Variants in SGCZ observed in about 807,000 individuals in gnomAD.
SGCZ encodes zeta-sarcoglycan.
A neutral mutation model predicts 41.3 loss-of-function variants in SGCZ; 40 were observed. That is an observed-to-expected ratio of 0.97 (90% CI 0.75 to 1.26). The LOEUF is 1.26. Ranked by LOEUF, SGCZ falls within the 50% of genes most tolerant of loss-of-function variation. The pLI is 0.00. For missense variants in SGCZ, 552 were observed against 369.8 expected (o/e 1.49, Z -4.04); for synonymous variants, 206 against 137.5 (o/e 1.50, Z -3.49).
rs1801661249 is a variant in SGCZ at position 14,090,616 on chromosome 8, T to C, written c.766A>G (p.Ile256Val). The change falls in exon 8 of 8, where the codon ATC becomes GTC. Residue 256 changes from isoleucine to valine, a missense_variant. Ile to Val is a conservative substitution (Grantham distance 29). Transcript: ENST00000382080. Reference sequence around the variant, plus strand: ...CCAGTTGGTAGATTTCCCAGCTTGATTGTCTCTGCATTTAAAAATATCTAT... The same window carrying C: ...CCAGTTGGTAGATTTCCCAGCTTGACTGTCTCTGCATTTAAAAATATCTAT... ...EGEIFLNAET[I>V]KLGNLPTGSF... 1 of 1,611,558 alleles carries C rather than the reference T, an allele frequency of 6.2e-7. No homozygotes were observed. The highest frequency in any genetic ancestry group is 8.5e-7 in the Non-Finnish European group (1 of 1,179,110).
chr8:14,248,461 T>G (rs1799180888), intron 3 of SGCZ, among the ~76,000 whole-genome samples: 1 of 152,160 alleles, frequency 6.6e-6, no homozygotes, highest in Non-Finnish European at 1.5e-5. Context: ...TGATGAAAAC[T>G]AGAAAGTAAG....
chr8:14,965,166 G>C (rs1338756695), intron 1 of SGCZ, among the ~76,000 whole-genome samples: 1 of 152,094 alleles, frequency 6.6e-6, no homozygotes, highest in African/African-American at 2.4e-5. Flanking sequence ...TGCGGCCATA[G>C]TTCGCAGAAC....
intron 1 of SGCZ, among the ~76,000 whole-genome samples, chr8:14,630,809 G>T (rs924220801): frequency 6.7e-6 from 1 of 148,314 alleles, no homozygotes; most frequent in Non-Finnish European, 1.5e-5. Flanking sequence ...CTCATAGGTG[G>T]GAATTGAACA....
At chr8:14,274,853 T>C (rs1365110339) in intron 3 of SGCZ, among the ~76,000 whole-genome samples, 4 of 152,068 alleles carry the variant, frequency 2.6e-5, no homozygotes, top group Admixed American at 1.3e-4. Context: ...GTGATAATTA[T>C]GATTATAATA....
intron 1 of SGCZ, among the ~76,000 whole-genome samples, chr8:14,939,565 G>A (rs1179672239): frequency 6.6e-6 from 1 of 152,144 alleles, no homozygotes. Context: ...ACTTAGCACA[G>A]TCGCTTCATC....
intron 1 of SGCZ, among the ~76,000 whole-genome samples, chr8:14,722,422 A>T (rs1429821866): frequency 6.6e-6 from 1 of 152,102 alleles, no homozygotes; most frequent in East Asian, 1.9e-4. Flanking sequence ...TAAAATTTTA[A>T]AAATGTGGAT....
rs185193612 is a variant in SGCZ at position 14,727,249 on chromosome 8, T to A, written c.40-172323A>T. Among the ~76,000 whole-genome samples the A allele has an allele frequency of 1.3e-4, 20 of 152,204 alleles. No homozygotes were observed. The East Asian group carries it at 3.9e-3, about 29-fold the overall frequency. On this transcript the variant is annotated intron_variant, in intron 1 of 7. Transcript: ENST00000382080. Reference sequence around the variant, plus strand: ...TGCTCAACATCTTTACTCAACAGGATTATAAAAATGAAAGCCACAGTAAGA... The same window carrying A: ...TGCTCAACATCTTTACTCAACAGGAATATAAAAATGAAAGCCACAGTAAGA...
chr8:15,204,930 G>C (rs1160272901), intron 1 of SGCZ, among the ~76,000 whole-genome samples: 2 of 152,156 alleles, frequency 1.3e-5, no homozygotes. Context: ...AGTGAAACCT[G>C]AATGAATGAA....
intron 1 of SGCZ, among the ~76,000 whole-genome samples, chr8:14,915,240 A>T (rs1004026189): frequency 1.3e-5 from 2 of 152,202 alleles, no homozygotes; most frequent in African/African-American, 4.8e-5. Flanking sequence ...TTAGGAAAGA[A>T]ATCTATTTGA....
intron 5 of SGCZ, among the ~76,000 whole-genome samples, chr8:14,127,433 G>A (rs979946438): frequency 2.0e-5 from 3 of 151,888 alleles, no homozygotes; most frequent in African/African-American, 4.8e-5. Context: ...TTAATATTGT[G>A]ATTTATTTAT....
chr8:14,821,797 G>C (rs913150421), intron 1 of SGCZ, among the ~76,000 whole-genome samples: 3 of 151,860 alleles, frequency 2.0e-5, no homozygotes, highest in African/African-American at 4.8e-5. Flanking sequence ...CAACAAATTA[G>C]GTATAAATGG....
At chr8:14,694,926 T>C (rs1469709027) in intron 1 of SGCZ, among the ~76,000 whole-genome samples, 4 of 152,130 alleles carry the variant, frequency 2.6e-5, no homozygotes, top group South Asian at 2.1e-4. Context: ...ATGCAATGTT[T>C]AATATAAAAT....
intron 5 of SGCZ, among the ~76,000 whole-genome samples, chr8:14,115,148 G>C (rs1802485578): frequency 6.6e-6 from 1 of 151,928 alleles, no homozygotes; most frequent in African/African-American, 2.4e-5. Flanking sequence ...TAATTCCAAA[G>C]TATGTGATTA....
chr8:14,784,911 A>ATATAT (rs1304185524), intron 1 of SGCZ, among the ~76,000 whole-genome samples: 11 of 82,082 alleles, frequency 1.3e-4, no homozygotes, highest in Admixed American at 1.1e-3. Flanking sequence ...TCAAAAAAAA[A>ATATAT]AAATATATAT....
chr8:15,029,193 A>C (rs1277651458), intron 1 of SGCZ, among the ~76,000 whole-genome samples: 1 of 152,096 alleles, frequency 6.6e-6, no homozygotes, highest in East Asian at 1.9e-4. Flanking sequence ...AGAACAGAAA[A>C]TTTAATGTGC....
At chr8:15,081,048 C>G (rs6530831) in intron 1 of SGCZ, among the ~76,000 whole-genome samples, 94,788 of 151,888 alleles carry the variant, frequency 0.62, 31,140 homozygotes, top group Non-Finnish European at 0.74. Flanking sequence ...TCTTCGACCT[C>G]CAGCCTCCAA....
At chr8:14,605,859 T>A (rs1355302) in intron 1 of SGCZ, among the ~76,000 whole-genome samples, 23,980 of 152,092 alleles carry the variant, frequency 0.16, 2,312 homozygotes, top group Non-Finnish European at 0.21. Context: ...GATGAGGGAA[T>A]GAGATGGCTC....
rs879179850 is a variant in SGCZ, at chr8:14,090,570, G to T, written c.812C>A (p.Pro271His). The T allele has an allele frequency of 6.2e-7, 1 of 1,612,906 alleles. No individual in the cohort carries two copies. Among genetic ancestry groups the T allele is most frequent in the Non-Finnish European group, 8.5e-7 (1 of 1,179,398 alleles). The change falls in exon 8 of 8, where the codon CCC becomes CAC. Residue 271 changes from proline to histidine, a missense_variant. Pro to His is a moderately conservative substitution (Grantham distance 77). Transcript: ENST00000382080. ...TGTCTGTCGAGAACTTGAGGAGCTG[G>T]GTGAAGAAGATGAGAAGGAGCCAGT... is the stretch of plus-strand genomic sequence containing the variant. The part of the protein sequence containing the change: ...LPTGSFSSSS[P>H]SSSSSRQTVY...
chr8:15,187,957 G>T (rs905369573), intron 1 of SGCZ, among the ~76,000 whole-genome samples: 2 of 151,930 alleles, frequency 1.3e-5, no homozygotes, highest in African/African-American at 4.8e-5. Context: ...GAGTAGGGGG[G>T]TGTATGATAT....
Sources: gnomAD v4.1 joint callset for allele counts (sites outside exome capture counted in the v4.1 genomes callset) on GRCh38, gnomAD v4.1.1 for gene constraint, MANE v1.5 for transcripts, NCBI Gene and HGNC (gene_info 2026-07-23, HGNC 2026-07-21) for gene names.